Variants in KAZN observed in about 807,000 individuals in gnomAD.
KAZN encodes kazrin, periplakin interacting protein, also known as kazrin.
A neutral mutation model predicts 87.4 loss-of-function variants in KAZN; 40 were observed. That is an observed-to-expected ratio of 0.46 (90% CI 0.36 to 0.60). KAZN has a LOEUF of 0.60. Ranked by LOEUF, KAZN falls within the 20% of genes least tolerant of loss-of-function variation. The probability of loss-of-function intolerance (pLI) is 0.00; values close to 1 mark genes in which losing one functional copy is unlikely to be tolerated. For missense variants in KAZN, 898 were observed against 1,073.9 expected (o/e 0.84, Z 2.29); for synonymous variants, 466 against 458.3 (o/e 1.02, Z -0.22).
chr1:14,359,229 T>G (rs1488986461), intron 2 of KAZN, among the ~76,000 whole-genome samples: 1 of 152,196 alleles, frequency 6.6e-6, no homozygotes, highest in African/African-American at 2.4e-5. Flanking sequence ...TATCAGAGAC[T>G]AGGATTACAA....
In KAZN at chr1:15,096,920, A is replaced by G. The variant is rs2100692567; in HGVS notation, c.1547+1987A>G. Among the ~76,000 whole-genome samples the G allele has an allele frequency of 6.6e-6, 1 of 152,336 alleles. No homozygotes were observed. The highest frequency in any genetic ancestry group is 1.9e-4 in the East Asian group (1 of 5,172). On this transcript the variant is annotated intron_variant, in intron 10 of 14. Coordinates refer to ENST00000376030, the MANE Select transcript of KAZN (RefSeq NM_201628.3). The surrounding 1 kb of genome is among the most constrained non-coding windows in gnomAD (Gnocchi z 4.5). The stretch of plus-strand genomic sequence containing the variant: ...TGGCAGAGGGAAACATTTAATCCCT[A>G]ACAGTGGCACCACGTTAACCTCCAG...
intron 6 of KAZN, chr1:15,061,255 T>C (rs1384587574): frequency 6.6e-6 from 1 of 152,264 alleles, no homozygotes; most frequent in Non-Finnish European, 1.5e-5. Flanking sequence ...CATAACAGTG[T>C]TGCTTGGAAA....
At chr1:14,658,923 C>A (rs577095286) in intron 1 of KAZN, among the ~76,000 whole-genome samples, 2 of 152,150 alleles carry the variant, frequency 1.3e-5, no homozygotes, top group Non-Finnish European at 2.9e-5. Flanking sequence ...CCTGCTTTCA[C>A]GTTATTTATG....
At chr1:13,896,448 C>A (rs1639048681) in intron 1 of KAZN, among the ~76,000 whole-genome samples, 1 of 152,082 alleles carries the variant, frequency 6.6e-6, no homozygotes, top group Admixed American at 6.5e-5. Context: ...TACCACCATT[C>A]CAGGTTAATT....
At chr1:14,722,158 A>T (rs36020616) in intron 1 of KAZN, among the ~76,000 whole-genome samples, 40,611 of 147,620 alleles carry the variant, frequency 0.28, 5,899 homozygotes, top group South Asian at 0.43. Flanking sequence ...CTCAAAAAAA[A>T]AAAAGAATAA....
chr1:14,490,304 T>G (rs1669577902), intron 2 of KAZN, among the ~76,000 whole-genome samples: 1 of 152,214 alleles, frequency 6.6e-6, no homozygotes, highest in Non-Finnish European at 1.5e-5. Flanking sequence ...CAATTTTGTT[T>G]TCTTTGAAGT....
chr1:14,591,418 AACACACAC>A lies in KAZN; in HGVS notation c.250-7540_250-7533del, dbSNP rs36060158. Among the ~76,000 whole-genome samples, 4 of 147,392 alleles carry A rather than the reference AACACACAC, an allele frequency of 2.7e-5. No individual in the cohort carries two copies. The East Asian group carries it at 6.0e-4, about 22-fold the overall frequency. ...TAAGGCCCCGAACAGGGAAAGAAGA[AACACACAC>A]ACACACACACACACACACACACACC... is the stretch of plus-strand genomic sequence containing the variant. On this transcript the variant is annotated intron_variant, in intron 2 of 16. Coordinates refer to the KAZN transcript ENST00000636203.
chr1:14,434,788 G>C (rs776736636), intron 2 of KAZN, among the ~76,000 whole-genome samples: 2 of 151,884 alleles, frequency 1.3e-5, no homozygotes, highest in Admixed American at 6.6e-5. Context: ...CCTCTCCATG[G>C]GGCACTGTCT....
intron 1 of KAZN, among the ~76,000 whole-genome samples, chr1:14,174,969 T>C (rs1646039725): frequency 6.6e-6 from 1 of 152,176 alleles, no homozygotes; most frequent in African/African-American, 2.4e-5. Flanking sequence ...AAGCAAGTCA[T>C]ATGGCAAAAC....
intron 1 of KAZN, among the ~76,000 whole-genome samples, chr1:13,902,074 G>A (rs1050046346): frequency 1.3e-4 from 20 of 152,348 alleles, no homozygotes; most frequent in African/African-American, 4.3e-4. Flanking sequence ...AGGCAGCCCC[G>A]GGGTGGTCAG....
At chr1:13,962,541 T>C (rs1205794777) in intron 1 of KAZN, among the ~76,000 whole-genome samples, 1 of 152,068 alleles carries the variant, frequency 6.6e-6, no homozygotes, top group African/African-American at 2.4e-5. Context: ...CCCCGGGTGA[T>C]AGGCCTTATG....
intron 1 of KAZN, among the ~76,000 whole-genome samples, chr1:14,941,303 T>C (rs567723165): frequency 1.3e-5 from 2 of 152,250 alleles, no homozygotes; most frequent in African/African-American, 4.8e-5. Flanking sequence ...CAGTGGCAAG[T>C]TCACATATTC....
At chr1:14,005,030 C>T (rs1020510577) in intron 1 of KAZN, among the ~76,000 whole-genome samples, 1 of 152,012 alleles carries the variant, frequency 6.6e-6, no homozygotes, top group Non-Finnish European at 1.5e-5. Context: ...CCGCTTTAGA[C>T]TTTCCAGCCT....
chr1:14,618,545 C>A (rs7542378), intron 1 of KAZN, among the ~76,000 whole-genome samples: 52,114 of 152,058 alleles, frequency 0.34, 10,154 homozygotes, highest in African/African-American at 0.54. Flanking sequence ...ACAAGGCATC[C>A]TTCTAAAAGC....
intron 2 of KAZN, among the ~76,000 whole-genome samples, chr1:14,201,015 C>T (rs1646628469): frequency 6.6e-6 from 1 of 152,192 alleles, no homozygotes; most frequent in South Asian, 2.1e-4. Context: ...TTGATTGGCG[C>T]ATGGCCTCTC....
At chr1:14,929,965 C>T in intron 1 of KAZN, 1 of 985,464 alleles carries the variant, frequency 1.0e-6, no homozygotes. Context: ...CCCCAGAGCC[C>T]TCATCAGATG....
intron 1 of KAZN, among the ~76,000 whole-genome samples, chr1:14,629,344 A>G (rs1679389336): frequency 6.6e-6 from 1 of 152,170 alleles, no homozygotes; most frequent in Non-Finnish European, 1.5e-5. Flanking sequence ...TCGTTGCTGT[A>G]TTCCAGCAGC....
At chr1:14,271,874 A>C (rs539909837) in intron 2 of KAZN, among the ~76,000 whole-genome samples, 1 of 152,338 alleles carries the variant, frequency 6.6e-6, no homozygotes, top group Admixed American at 6.5e-5. Flanking sequence ...TTCAGCAAGT[A>C]CTAAGGCAGA....
chr1:14,993,287 G>A (rs1667534144), intron 2 of KAZN, among the ~76,000 whole-genome samples: 3 of 151,654 alleles, frequency 2.0e-5, no homozygotes, highest in Admixed American at 2.0e-4. Context: ...GACCAACATG[G>A]CGAAACACTG....
Sources: gnomAD v4.1 joint callset for allele counts (sites outside exome capture counted in the v4.1 genomes callset) on GRCh38, gnomAD v4.1.1 for gene constraint, Gnocchi (gnomAD v3.1) non-coding constraint, MANE v1.5 for transcripts, NCBI Gene and HGNC (gene_info 2026-07-23, HGNC 2026-07-21) for gene names.